MAP4K5: variants seen among roughly 807,000 people sequenced by gnomAD.
MAP4K5 encodes mitogen-activated protein kinase kinase kinase kinase 5.
MAP4K5 carries 82 observed loss-of-function variants against 135.6 expected under a neutral mutation model. The ratio of observed to expected loss-of-function variants is 0.60; its 90% CI spans 0.51 to 0.73. The LOEUF (loss-of-function observed/expected upper bound fraction) is 0.73, where lower values mean the gene tolerates loss of function less well. Among genes scored for constraint, MAP4K5 ranks in the 30% least tolerant of loss-of-function variants. The pLI, the probability that MAP4K5 is intolerant of heterozygous loss-of-function variation, is 0.00. For synonymous variants in MAP4K5, 347 were observed against 335.0 expected (o/e 1.04, Z -0.39); for missense variants, 907 against 1,010.9 (o/e 0.90, Z 1.39).
chr14:50,541,436 C>T (rs1316926821), intron 2 of MAP4K5, among the ~76,000 whole-genome samples: 1 of 152,326 alleles, frequency 6.6e-6, no homozygotes, highest in South Asian at 2.1e-4. Flanking sequence ...GGAAGTAGTG[C>T]TCTACCTTGT....
intron 1 of MAP4K5, among the ~76,000 whole-genome samples, chr14:50,551,899 A>G (rs756541441): frequency 1.3e-5 from 2 of 152,208 alleles, no homozygotes; most frequent in South Asian, 2.1e-4. Context: ...ACCAACAGGC[A>G]ACACAATACC....
At chr14:50,528,836 T>C (rs2038323667) in intron 2 of MAP4K5, among the ~76,000 whole-genome samples, 1 of 152,186 alleles carries the variant, frequency 6.6e-6, no homozygotes, top group African/African-American at 2.4e-5. Context: ...CGTCCTAGGA[T>C]GTTCAGCTCA....
At chr14:50,452,064 C>T (rs577879035) in intron 14 of MAP4K5, among the ~76,000 whole-genome samples, 14 of 152,248 alleles carry the variant, frequency 9.2e-5, no homozygotes, top group African/African-American at 2.6e-4. Context: ...GACAGCAAGC[C>T]GCAGCTCCCA....
intron 31 of MAP4K5, among the ~76,000 whole-genome samples, chr14:50,424,688 C>T (rs1179067490): frequency 1.1e-4 from 13 of 123,528 alleles, no homozygotes; most frequent in Admixed American, 2.1e-4. Flanking sequence ...CCAGCCTGGG[C>T]GACAGTGTGA....
intron 3 of MAP4K5, among the ~76,000 whole-genome samples, chr14:50,487,926 T>C (rs1024409548): frequency 6.6e-6 from 1 of 152,174 alleles, no homozygotes; most frequent in African/African-American, 2.4e-5. Context: ...TTCTAGCCCA[T>C]CTTTCATGTT....
rs760849715 is a variant in MAP4K5, at chr14:50,446,097, T to C, written c.1167A>G (p.Pro389=). The C allele has an allele frequency of 6.4e-7, 1 of 1,571,550 alleles. No individual in the cohort carries two copies. Among genetic ancestry groups the C allele is most frequent in the Non-Finnish European group, 8.6e-7 (1 of 1,161,728 alleles). Reference sequence around the variant, plus strand: ...AGCTCACCTTAGGAGGTAGGGGAGGTGGTATTGCACGTTTTGAGGTTGATC... The same window carrying C: ...AGCTCACCTTAGGAGGTAGGGGAGGCGGTATTGCACGTTTTGAGGTTGATC... ...TGKSTSKRAI[P]PPLPPKPRIS... The change falls in exon 17 of 33, where the codon CCA becomes CCG. Residue 389 remains proline (P), a synonymous_variant. Transcript: ENST00000682126.
intron 9 of MAP4K5, among the ~76,000 whole-genome samples, chr14:50,469,425 A>G (rs2036906026): frequency 6.6e-6 from 1 of 152,224 alleles, no homozygotes; most frequent in Admixed American, 6.5e-5. Context: ...CCTCAGAAGT[A>G]GAGGCTAGAT....
At chr14:50,500,539 C>T (rs2037686334) in intron 3 of MAP4K5, among the ~76,000 whole-genome samples, 1 of 152,162 alleles carries the variant, frequency 6.6e-6, no homozygotes, top group Non-Finnish European at 1.5e-5. Context: ...GTTTTATAAA[C>T]AAGGCTAAAA....
intron 30 of MAP4K5, among the ~76,000 whole-genome samples, chr14:50,427,517 TA>T (rs1012875670): frequency 6.6e-6 from 1 of 152,118 alleles, no homozygotes; most frequent in Admixed American, 6.5e-5. Flanking sequence ...TTCTTAAAAA[TA>T]AAAAACTAAG....
chr14:50,516,815 T>A (rs1297752295), intron 2 of MAP4K5, among the ~76,000 whole-genome samples: 1 of 152,216 alleles, frequency 6.6e-6, no homozygotes, highest in Non-Finnish European at 1.5e-5. Flanking sequence ...TAACACTGAC[T>A]TAACCTACTC....
At chr14:50,435,945 T>G (rs1326758027) in intron 26 of MAP4K5, among the ~76,000 whole-genome samples, 1 of 152,180 alleles carries the variant, frequency 6.6e-6, no homozygotes, top group Non-Finnish European at 1.5e-5. Context: ...AGGCCTTTTG[T>G]GCATCACAGA....
intron 9 of MAP4K5, among the ~76,000 whole-genome samples, chr14:50,473,202 T>C (rs550169689): frequency 1.8e-4 from 28 of 152,314 alleles, no homozygotes; most frequent in African/African-American, 5.1e-4. Context: ...GTGATGAATG[T>C]GTCATTGAAA....
intron 15 of MAP4K5, among the ~76,000 whole-genome samples, chr14:50,448,087 C>A (rs2036397936): frequency 6.6e-6 from 1 of 152,172 alleles, no homozygotes; most frequent in African/African-American, 2.4e-5. Context: ...GATCTTGGCT[C>A]ACTGCAACCT....
chr14:50,530,952 C>T (rs767847236), intron 2 of MAP4K5, among the ~76,000 whole-genome samples: 14 of 152,202 alleles, frequency 9.2e-5, no homozygotes, highest in South Asian at 2.1e-4. Flanking sequence ...TGGTTAATTA[C>T]CCAAATGACA....
chr14:50,427,945 CTG>C (rs2035882241), intron 30 of MAP4K5, among the ~76,000 whole-genome samples: 1 of 152,148 alleles, frequency 6.6e-6, no homozygotes, highest in Admixed American at 6.5e-5. Flanking sequence ...ATATCTAACA[CTG>C]TTATCGCATC....
intron 2 of MAP4K5, among the ~76,000 whole-genome samples, chr14:50,509,458 G>A (rs2037884528): frequency 6.6e-6 from 1 of 152,018 alleles, no homozygotes; most frequent in South Asian, 2.1e-4. Context: ...AGCTAACAAA[G>A]CAATATACTA....
chr14:50,518,284 T>A (rs1013998325), intron 2 of MAP4K5, among the ~76,000 whole-genome samples: 47 of 152,158 alleles, frequency 3.1e-4, no homozygotes, highest in Admixed American at 2.9e-3. Context: ...TATTTTTACT[T>A]TAAGTTACAG....
At chr14:50,501,295 A>G (rs748423170) in intron 3 of MAP4K5, among the ~76,000 whole-genome samples, 32 of 152,134 alleles carry the variant, frequency 2.1e-4, no homozygotes, top group Non-Finnish European at 2.2e-4. Context: ...TTAAACTGAT[A>G]AACTAAAACA....
intron 26 of MAP4K5, among the ~76,000 whole-genome samples, chr14:50,436,195 A>T (rs1164057040): frequency 6.6e-6 from 1 of 152,216 alleles, no homozygotes; most frequent in African/African-American, 2.4e-5. Flanking sequence ...CTTACTAGTG[A>T]CACAATCAGT....
Sources: gnomAD v4.1 joint callset for allele counts (sites outside exome capture counted in the v4.1 genomes callset) on GRCh38, gnomAD v4.1.1 for gene constraint, MANE v1.5 for transcripts, NCBI Gene and HGNC (gene_info 2026-07-23, HGNC 2026-07-21) for gene names.